The following BMP15 variants were observed in gnomAD, a reference collection of about 807,000 sequenced individuals.
BMP15 encodes the protein growth/differentiation factor 9B.
A neutral mutation model predicts 4.4 loss-of-function variants in BMP15; 5 were observed. The ratio of observed to expected loss-of-function variants is 1.13; its 90% CI spans 0.59 to 2.38. The LOEUF (loss-of-function observed/expected upper bound fraction) is 2.38, where lower values mean the gene tolerates loss of function less well. Among genes scored for constraint, BMP15 ranks in the 30% most tolerant of loss-of-function variants. The probability of loss-of-function intolerance (pLI) is 0.01; values close to 1 mark genes in which losing one functional copy is unlikely to be tolerated. For missense variants in BMP15, 339 were observed against 309.8 expected (o/e 1.09, Z -0.71); for synonymous variants, 125 against 114.6 (o/e 1.09, Z -0.58).
At position 50,916,166 on chromosome X, in the gene BMP15, T is replaced by G; in HGVS notation, c.738T>G (p.Ala246=). 2 of 1,211,593 alleles carry G rather than the reference T, an allele frequency of 1.7e-6. No homozygotes were observed. Among genetic ancestry groups the G allele is most frequent in the Non-Finnish European group, 2.2e-6 (2 of 895,514 alleles). ...FNDTHKSIRK[A]KFLPRGMEEF... is the part of the protein sequence containing the mutation. ...ATACTCATAAAAGCATTCGGAAGGC[T>G]AAATTTCTTCCCAGGGGCATGGAGG... is the stretch of plus-strand genomic sequence containing the variant. The change falls in exon 2 of 2, where the codon GCT becomes GCG. Residue 246 remains alanine, a synonymous_variant. Transcript: ENST00000252677.
Position 50,916,359 on chromosome X carries a change from G to A in BMP15, c.931G>A (p.Ala311Thr), listed in dbSNP as rs782668766. 3.8e-5 allele frequency: 45 copies of A among 1,190,194 alleles called. No homozygotes were observed. Among genetic ancestry groups the A allele is most frequent in the Non-Finnish European group, 4.9e-5 (43 of 884,461 alleles). ...GCTGGGTTGGGATCACTGGATCATT[G>A]CTCCCCCTTTCTACACCCCAAACTA... ...RQLGWDHWII[A>T]PPFYTPNYCK... Residue 311 changes from alanine (A) to threonine (T), a missense_variant, in exon 2 of 2, where the codon GCT (alanine) becomes ACT (threonine). Ala to Thr is a moderately conservative substitution (Grantham distance 58). Coordinates refer to ENST00000252677, the MANE Select transcript of BMP15 (RefSeq NM_005448.2).
rs1423697352 is a variant in BMP15, at chrX:50,910,855, A to C, written c.72A>C (p.Gln24His). 8.3e-7 allele frequency: 1 copy of C among 1,207,911 alleles called. No individual in the cohort carries two copies. Among genetic ancestry groups the C allele is most frequent in the Non-Finnish European group, 1.1e-6 (1 of 893,945 alleles). ...TGCTTTTCATGGAACACAGGGCCCA[A>C]ATGGCAGAAGGAGGGCAGTCCTCTA... Reference protein sequence around the residue: ...ELVLFMEHRAQMAEGGQSSIA... With the variant: ...ELVLFMEHRAHMAEGGQSSIA... The change falls in exon 1 of 2, where the codon CAA becomes CAC. Residue 24 changes from glutamine to histidine, a missense_variant. Transcript: ENST00000252677.
At chrX:50,911,655 C>T (rs782428420) in intron 1 of BMP15, among the ~76,000 whole-genome samples, 5 of 111,574 alleles carry the variant, frequency 4.5e-5, no homozygotes, top group East Asian at 5.6e-4. Flanking sequence ...AACTAAGGCA[C>T]GGAGAGGTTA....
At chrX:50,913,463 A>C (rs1923056111) in intron 1 of BMP15, among the ~76,000 whole-genome samples, 1 of 110,639 alleles carries the variant, frequency 9.0e-6, no homozygotes, top group Non-Finnish European at 1.9e-5. Flanking sequence ...TGTCTCAAGG[A>C]AAAAAAACAA....
At chrX:50,914,762 T>C (rs73488033) in intron 1 of BMP15, among the ~76,000 whole-genome samples, 11,696 of 111,313 alleles carry the variant, frequency 0.11, 1,334 homozygotes, top group African/African-American at 0.34. Context: ...CTTTTTCCTG[T>C]GGTGCCAGGC....
chrX:50,916,255 T>A lies in BMP15; in HGVS notation c.827T>A (p.Val276Asp). 1 of 1,210,527 alleles carries A rather than the reference T, an allele frequency of 8.3e-7. No homozygotes were observed. The highest frequency in any genetic ancestry group is 1.1e-6 in the Non-Finnish European group (1 of 894,876). The change falls in exon 2 of 2, where the codon GTT becomes GAT. Residue 276 changes from valine to aspartate, a missense_variant. Coordinates refer to ENST00000252677, the MANE Select transcript of BMP15 (RefSeq NM_005448.2). ...CAAGCAGATGGTATCTCAGCTGAGG[T>A]TACTGCCTCTTCCTCAAAACATAGC... ...TRQADGISAEVTASSSKHSGP... is the reference protein window; with the variant it reads ...TRQADGISAEDTASSSKHSGP...
chrX:50,914,127 C>A (rs1266731315), intron 1 of BMP15, among the ~76,000 whole-genome samples: 1 of 111,615 alleles, frequency 9.0e-6, no homozygotes, highest in South Asian at 3.8e-4. Flanking sequence ...CCTGCCACCA[C>A]GCCCGGCTAA....
At chrX:50,914,811 T>G (rs1163810301) in intron 1 of BMP15, among the ~76,000 whole-genome samples, 1 of 111,253 alleles carries the variant, frequency 9.0e-6, no homozygotes, top group South Asian at 3.9e-4. Context: ...CGGGAGGGGG[T>G]GCAGAAGTTT....
chrX:50,911,132 A>G (rs1157323599), intron 1 of BMP15, 21 bp downstream of exon 1: 2 of 1,162,045 alleles, frequency 1.7e-6, no homozygotes. Flanking sequence ...ATGCCCCCAT[A>G]CTGCCCTGGA....
intron 1 of BMP15, among the ~76,000 whole-genome samples, chrX:50,914,682 A>T: frequency 8.9e-6 from 1 of 112,256 alleles, no homozygotes; most frequent in Non-Finnish European, 1.9e-5. Context: ...GTGGAGAAGA[A>T]GGACTAGGTG....
intron 1 of BMP15, among the ~76,000 whole-genome samples, chrX:50,912,500 C>G (rs889277992): frequency 9.0e-6 from 1 of 111,709 alleles, no homozygotes. Context: ...GCTCCCAGGA[C>G]CTATGAGAAG....
At position 50,916,413 on chromosome X, in the gene BMP15, C is replaced by T. The variant is rs782375794; in HGVS notation, c.985C>T (p.Arg329Cys). Residue 329 changes from arginine to cysteine, a missense_variant, in exon 2 of 2, where the codon CGC becomes TGC. Arg to Cys is a radical substitution (Grantham distance 180). Coordinates refer to ENST00000252677, the MANE Select transcript of BMP15 (RefSeq NM_005448.2). ...YCKGTCLRVL[R>C]DGLNSPNHAI... is the part of the protein sequence containing the mutation. ...TAAAGGAACTTGTCTCCGAGTACTA[C>T]GCGATGGTCTCAATTCCCCCAATCA... The T allele has an allele frequency of 7.4e-6, 9 of 1,208,940 alleles. No individual in the cohort carries two copies. The highest frequency in any genetic ancestry group is 2.3e-4 in the Middle Eastern group (1 of 4,344).
chrX:50,912,606 G>A (rs1215085275), intron 1 of BMP15, among the ~76,000 whole-genome samples: 1 of 111,389 alleles, frequency 9.0e-6, no homozygotes, highest in Non-Finnish European at 1.9e-5. Flanking sequence ...AAGAGGTCAT[G>A]CATTGAGGCA....
intron 1 of BMP15, among the ~76,000 whole-genome samples, chrX:50,915,292 T>A (rs1331183713): frequency 8.9e-6 from 1 of 111,929 alleles, no homozygotes; most frequent in Non-Finnish European, 1.9e-5. Context: ...TCAACAATTC[T>A]AAATGGACAC....
chrX:50,914,001 G>T (rs782755706), intron 1 of BMP15, among the ~76,000 whole-genome samples: 4 of 111,594 alleles, frequency 3.6e-5, no homozygotes, highest in African/African-American at 1.3e-4. Context: ...ATGGAGTTTC[G>T]CTCTTATCAT....
Position 50,915,778 on chromosome X carries a change from T to C in BMP15, c.350T>C (p.Leu117Pro). 2.5e-6 allele frequency: 3 copies of C among 1,211,721 alleles called. No homozygotes were observed. Among genetic ancestry groups the C allele is most frequent in the Non-Finnish European group, 3.4e-6 (3 of 895,485 alleles). ...PHRGTWHIQI[L>P]GFPLRPNRGL... ...GCAGGTACCTGGCATATACAGATCC[T>C]GGGCTTTCCTCTCAGACCAAACCGA... Residue 117 changes from leucine (L) to proline (P), a missense_variant, in exon 2 of 2, where the codon CTG becomes CCG. Leu to Pro is a moderately conservative substitution (Grantham distance 98, BLOSUM62 -3). Coordinates refer to ENST00000252677, the MANE Select transcript of BMP15 (RefSeq NM_005448.2).
chrX:50,913,775 C>T (rs1557280131), intron 1 of BMP15, among the ~76,000 whole-genome samples: 1 of 110,788 alleles, frequency 9.0e-6, no homozygotes, highest in Non-Finnish European at 1.9e-5. Context: ...AGACAGCCTG[C>T]TAGAGGTTTG....
In BMP15 at chrX:50,910,858, G is replaced by A; in HGVS notation, c.75G>A (p.Met25Ile). ...TTTTCATGGAACACAGGGCCCAAAT[G>A]GCAGAAGGAGGGCAGTCCTCTATTG... is the stretch of plus-strand genomic sequence containing the variant. ...LVLFMEHRAQ[M>I]AEGGQSSIAL... is the part of the protein sequence containing the mutation. The change falls in exon 1 of 2, where the codon ATG (methionine) becomes ATA (isoleucine). Residue 25 changes from methionine (M) to isoleucine (I), a missense_variant. Physicochemically the swap from Met to Ile is conservative, Grantham distance 10 (BLOSUM62 1). Transcript: ENST00000252677. 8.3e-7 allele frequency: 1 copy of A among 1,208,646 alleles called. No homozygotes were observed.
intron 1 of BMP15, among the ~76,000 whole-genome samples, chrX:50,914,572 G>A (rs1557280210): frequency 9.0e-6 from 1 of 111,558 alleles, no homozygotes; most frequent in African/African-American, 3.3e-5. Flanking sequence ...GGGTGACAGA[G>A]GGAGACTCTG....
Sources: gnomAD v4.1 joint callset for allele counts (sites outside exome capture counted in the v4.1 genomes callset) on GRCh38, gnomAD v4.1.1 for gene constraint, MANE v1.5 for transcripts, NCBI Gene and HGNC (gene_info 2026-07-23, HGNC 2026-07-21) for gene names.